Variants in TSEN2 observed in about 807,000 individuals in gnomAD.
The protein encoded by TSEN2 is tRNA splicing endonuclease subunit 2.
In TSEN2, 54 loss-of-function variants were observed where a neutral mutation model predicts 59.2. The ratio of observed to expected loss-of-function variants is 0.91; its 90% CI spans 0.73 to 1.14. The LOEUF (loss-of-function observed/expected upper bound fraction) is 1.14. TSEN2 is among the 50% of genes most tolerant of loss of function. The probability of loss-of-function intolerance (pLI) is 0.00; values close to 1 mark genes in which losing one functional copy is unlikely to be tolerated. For synonymous variants in TSEN2, 195 were observed against 198.2 expected, an observed-to-expected ratio of 0.98 and a Z score of 0.14; for missense variants, 636 against 576.2, an observed-to-expected ratio of 1.10 and a Z score of -1.06.
rs1313778783 is a variant in TSEN2, at chr3:12,529,794, A to G, written c.1169A>G (p.His390Arg). The change falls in exon 10 of 12, where the codon CAT (histidine) becomes CGT (arginine). Residue 390 changes from histidine to arginine, a missense_variant. Physicochemically the swap from His to Arg is conservative, Grantham distance 29. Transcript: ENST00000284995. ...GTCATTATCGAGCTAGTTGATGACC[A>G]TTTTGAAGGCTCTCTCCGCAGGCCT... ...YSVIIELVDD[H>R]FEGSLRRPLS... 1.2e-6 allele frequency: 2 copies of G among 1,614,148 alleles called. No individual in the cohort carries two copies. The highest frequency in any genetic ancestry group is 2.2e-5 in the East Asian group (1 of 44,882).
intron 8 of TSEN2, among the ~76,000 whole-genome samples, chr3:12,522,108 A>G (rs892315039): frequency 2.6e-5 from 4 of 152,190 alleles, no homozygotes; most frequent in African/African-American, 9.6e-5. Context: ...ATAATTGTTC[A>G]TTTTATTAAT....
In TSEN2 at chr3:12,496,520, A is replaced by G; in HGVS notation, c.274A>G (p.Met92Val). The change falls in exon 4 of 12, where the codon ATG becomes GTG. Residue 92 changes from methionine (M) to valine (V), a missense_variant and splice_region_variant. Transcript: ENST00000284995. ...CTAATAGAACTTCTTTGTTCCAGAT[A>G]TGAAGACAAACATGCCTATCATCAC... ...DPKLVAKWKDMKTNMPIITSK... is the reference protein window; with the variant it reads ...DPKLVAKWKDVKTNMPIITSK... The G allele has an allele frequency of 1.2e-6, 2 of 1,614,162 alleles. No individual in the cohort carries two copies. The highest frequency in any genetic ancestry group is 8.5e-7 in the Non-Finnish European group (1 of 1,180,036).
rs1461563443 is a variant in TSEN2 at position 12,531,444 on chromosome 3, C to T, written c.1249-126C>T. The T allele has an allele frequency of 1.0e-5, 7 of 670,136 alleles. No individual in the cohort carries two copies. In the Admixed American group the frequency reaches 1.4e-4, roughly 13 times the overall value. 41.5% of individuals were successfully genotyped at this position (670,136 alleles called of 1,614,324 possible). ...GTTTCCCCAGGAGGAAACTGATGTGCTCTGTGAGTTTCCACTTGGAGTGCA... is the reference window on the plus strand; with the variant it reads ...GTTTCCCCAGGAGGAAACTGATGTGTTCTGTGAGTTTCCACTTGGAGTGCA... On this transcript the variant is annotated intron_variant, in intron 10 of 11. Coordinates refer to ENST00000284995, the MANE Select transcript of TSEN2 (RefSeq NM_025265.4).
At chr3:12,509,236 T>C (rs1481593406) in intron 6 of TSEN2, among the ~76,000 whole-genome samples, 1 of 151,352 alleles carries the variant, frequency 6.6e-6, no homozygotes, top group East Asian at 1.9e-4. Flanking sequence ...GGTCTCGCTC[T>C]GTCACCTAGG....
rs559607486 is a variant in TSEN2, at chr3:12,519,749, G to GAA, written c.1099+552_1099+553insAA. 4.0e-4 allele frequency among the ~76,000 whole-genome samples: 61 copies of GAA among 151,510 alleles called. 1 individual carries two copies. The highest frequency in any genetic ancestry group is 8.2e-4 in the African/African-American group (34 of 41,316). ...GACAGGGCAAGACTCCGTCTCAAAA[G>GAA]GAAAAAAAAAGAAAAAGCATTCTAT... On this transcript the variant is annotated intron_variant, in intron 8 of 11. Transcript: ENST00000284995.
At chr3:12,525,753 A>T (rs2923019) in intron 8 of TSEN2, among the ~76,000 whole-genome samples, 151,327 of 151,330 alleles carry the variant, frequency 1, 75,662 homozygotes, top group Middle Eastern at 1. Flanking sequence ...TTAGTAGAGA[A>T]AGGGTTTCAA....
intron 1 of TSEN2, among the ~76,000 whole-genome samples, chr3:12,487,556 A>G (rs2052747750): frequency 6.6e-6 from 1 of 152,170 alleles, no homozygotes; most frequent in Admixed American, 6.5e-5. Flanking sequence ...AGCAGAGGTT[A>G]TAAAAGTGAA....
At position 12,487,077 on chromosome 3, in the gene TSEN2, C is replaced by G. The variant is rs887780304; in HGVS notation, c.-18+2197C>G. Among the ~76,000 whole-genome samples, 7 of 152,162 alleles carry G rather than the reference C, an allele frequency of 4.6e-5. No individual in the cohort carries two copies. The East Asian group carries it at 1.3e-3, about 29-fold the overall frequency. On this transcript the variant is annotated intron_variant, in intron 1 of 11. Transcript: ENST00000284995. ...TAGGGGTGGAGTTGCTGGATCATGT[C>G]GTAACTATGTGTTTGACATTTTGAG... is the stretch of plus-strand genomic sequence containing the variant.
At chr3:12,507,746 G>A (rs2054994181) in intron 6 of TSEN2, among the ~76,000 whole-genome samples, 1 of 152,184 alleles carries the variant, frequency 6.6e-6, no homozygotes, top group African/African-American at 2.4e-5. Context: ...GATCTTGTCA[G>A]TATCGCTCTT....
chr3:12,511,616 C>T (rs1282578654), intron 6 of TSEN2, among the ~76,000 whole-genome samples: 1 of 148,580 alleles, frequency 6.7e-6, no homozygotes, highest in Non-Finnish European at 1.5e-5. Context: ...ACCTAAGCTG[C>T]AGTGCAGTGG....
rs138494816 is a variant in TSEN2, at chr3:12,503,731, G to A, written c.778G>A (p.Val260Ile). The change falls in exon 5 of 12, where the codon GTC becomes ATC. Residue 260 changes from valine (V) to isoleucine (I), a missense_variant. Transcript: ENST00000284995. ...DRGPDHEYVL[V>I]EEAECAMSER... ...AGGGCCTGACCATGAGTACGTGCTGGTCGAGGAAGCGGAGTGTGCCATGAG... is the reference window on the plus strand; with the variant it reads ...AGGGCCTGACCATGAGTACGTGCTGATCGAGGAAGCGGAGTGTGCCATGAG... 9 of 1,614,028 alleles carry A rather than the reference G, an allele frequency of 5.6e-6. No individual in the cohort carries two copies. Among genetic ancestry groups the A allele is most frequent in the African/African-American group, 4.0e-5 (3 of 74,926 alleles).
At chr3:12,495,616 T>G (rs1378631329) in intron 3 of TSEN2, among the ~76,000 whole-genome samples, 3 of 152,230 alleles carry the variant, frequency 2.0e-5, no homozygotes, top group African/African-American at 7.2e-5. Flanking sequence ...TAATGCTGCT[T>G]AGTAAACCAT....
At chr3:12,523,303 C>T (rs35528622) in intron 8 of TSEN2, among the ~76,000 whole-genome samples, 1 of 152,082 alleles carries the variant, frequency 6.6e-6, no homozygotes, top group Non-Finnish European at 1.5e-5. Context: ...AGTATGATTT[C>T]TGAGCTTTCT....
At chr3:12,520,626 C>T (rs1249588526) in intron 8 of TSEN2, among the ~76,000 whole-genome samples, 1 of 151,968 alleles carries the variant, frequency 6.6e-6, no homozygotes, top group African/African-American at 2.4e-5. Flanking sequence ...CCCGTTTCTA[C>T]TAAAAATACA....
At chr3:12,509,900 C>T (rs184154429) in intron 6 of TSEN2, among the ~76,000 whole-genome samples, 4 of 152,184 alleles carry the variant, frequency 2.6e-5, no homozygotes, top group East Asian at 1.9e-4. Context: ...ATTCAGATGC[C>T]GAAGGGTAAT....
At chr3:12,517,471 A>G (rs2056252628) in intron 7 of TSEN2, among the ~76,000 whole-genome samples, 1 of 152,184 alleles carries the variant, frequency 6.6e-6, no homozygotes, top group Non-Finnish European at 1.5e-5. Context: ...CCTATGTCCA[A>G]GTAACTCCAA....
chr3:12,501,430 C>A (rs1224770956), intron 4 of TSEN2, among the ~76,000 whole-genome samples: 2 of 152,250 alleles, frequency 1.3e-5, no homozygotes, highest in East Asian at 1.9e-4. Context: ...GGATACAATT[C>A]CCAGTATATA....
intron 2 of TSEN2, among the ~76,000 whole-genome samples, chr3:12,490,249 T>C (rs1373650371): frequency 1.5e-5 from 2 of 137,400 alleles, no homozygotes; most frequent in East Asian, 4.2e-4. Flanking sequence ...GGATTGACTA[T>C]TTTTTTTGTC....
At chr3:12,508,268 G>C (rs937232289) in intron 6 of TSEN2, among the ~76,000 whole-genome samples, 5 of 152,214 alleles carry the variant, frequency 3.3e-5, no homozygotes, top group African/African-American at 1.2e-4. Flanking sequence ...AACACCCCCT[G>C]ATGAAAGGCA....
Sources: gnomAD v4.1 joint callset for allele counts (sites outside exome capture counted in the v4.1 genomes callset) on GRCh38, gnomAD v4.1.1 for gene constraint, MANE v1.5 for transcripts, NCBI Gene and HGNC (gene_info 2026-07-23, HGNC 2026-07-21) for gene names.